CSMD1: variants seen among roughly 807,000 people sequenced by gnomAD.
CSMD1 encodes the protein CUB and Sushi multiple domains 1.
In CSMD1, 213 loss-of-function variants were observed where a neutral mutation model predicts 417.5. That is an observed-to-expected ratio of 0.51 (90% confidence interval 0.46 to 0.57). The LOEUF is 0.57. CSMD1 is among the 20% of genes least tolerant of loss of function. The probability of loss-of-function intolerance (pLI) is 0.00; values close to 1 mark genes in which losing one functional copy is unlikely to be tolerated. For missense variants in CSMD1, 6,923 were observed against 4,529.7 expected, an observed-to-expected ratio of 1.53 and a Z score of -15.17; for synonymous variants, 2,862 against 1,736.8, an observed-to-expected ratio of 1.65 and a Z score of -16.11.
At chr8:3,536,651 G>A (rs1443600350) in intron 10 of CSMD1, among the ~76,000 whole-genome samples, 6 of 152,178 alleles carry the variant, frequency 3.9e-5, no homozygotes, top group African/African-American at 1.4e-4. Context: ...CTACCATCTA[G>A]TGGCAGTGGT....
At chr8:3,424,288 G>T (rs750032684) in intron 12 of CSMD1, among the ~76,000 whole-genome samples, 3 of 152,226 alleles carry the variant, frequency 2.0e-5, no homozygotes, top group Admixed American at 6.5e-5. Context: ...GCCAGGTATT[G>T]CCTAGTTTAG....
chr8:3,812,014 A>G (rs376466768), intron 5 of CSMD1, among the ~76,000 whole-genome samples: 1 of 150,674 alleles, frequency 6.6e-6, no homozygotes, highest in Non-Finnish European at 1.5e-5. Context: ...CCATTTACTA[A>G]TCTTCTTATG....
intron 1 of CSMD1, among the ~76,000 whole-genome samples, chr8:4,732,866 T>G (rs1224250252): frequency 6.6e-6 from 1 of 152,204 alleles, no homozygotes; most frequent in Admixed American, 6.5e-5. Context: ...CTCATTCATT[T>G]AGCAAGCATT....
At chr8:4,621,421 A>G (rs1801771355) in intron 2 of CSMD1, among the ~76,000 whole-genome samples, 2 of 152,150 alleles carry the variant, frequency 1.3e-5, no homozygotes, top group Admixed American at 6.5e-5. Context: ...CTCAACCTGC[A>G]TTAATAACTG....
intron 10 of CSMD1, among the ~76,000 whole-genome samples, chr8:3,505,402 G>C (rs949180489): frequency 5.3e-5 from 8 of 152,274 alleles, no homozygotes; most frequent in African/African-American, 1.2e-4. Context: ...AGTTTCTTGA[G>C]AAATAATTAT....
rs142801254 is a variant in CSMD1, at chr8:4,188,835, T to TAA, written c.416-156738_416-156737dup. The stretch of plus-strand genomic sequence containing the variant: ...GGAGGATGGTAATTGGGAGGGATAT[T>TAA]AAAAAAAAAAACGAAATGTTTCTGC... On this transcript the variant is annotated intron_variant, in intron 3 of 69. Coordinates refer to ENST00000635120, the MANE Select transcript of CSMD1 (RefSeq NM_033225.6). 2.5e-4 allele frequency among the ~76,000 whole-genome samples: 37 copies of TAA among 146,636 alleles called. No individual in the cohort carries two copies. In the South Asian group the frequency reaches 6.4e-3, roughly 25 times the overall value.
intron 2 of CSMD1, among the ~76,000 whole-genome samples, chr8:4,494,343 T>C (rs536373127): frequency 3.7e-4 from 56 of 152,318 alleles, no homozygotes; most frequent in Middle Eastern, 3.4e-3. Flanking sequence ...TAAATTGCAA[T>C]TGCTCAGTGA....
At chr8:3,635,748 G>T (rs1797008222) in intron 7 of CSMD1, among the ~76,000 whole-genome samples, 1 of 141,626 alleles carries the variant, frequency 7.1e-6, no homozygotes, top group Admixed American at 7.3e-5. Context: ...CTCCCGAAGT[G>T]CTGGGATTAC....
rs547947086 is a variant in CSMD1 at position 2,966,581 on chromosome 8, G to A, written c.9089C>T (p.Pro3030Leu). The A allele has an allele frequency of 6.2e-7, 1 of 1,613,548 alleles. No individual in the cohort carries two copies. Among genetic ancestry groups the A allele is most frequent in the Admixed American group, 1.7e-5 (1 of 60,006 alleles). Residue 3030 changes from proline (P) to leucine (L), a missense_variant, in exon 58 of 70, where the codon CCC becomes CTC. Coordinates refer to ENST00000635120, the MANE Select transcript of CSMD1 (RefSeq NM_033225.6). ...GTCTGCTTACTAACTTGTGCAGTCG[G>A]GAGCAGTGCCTGTCCAGGTCCCATT... is the stretch of plus-strand genomic sequence containing the variant. ...TANGTWTGTA[P>L]DCTIISCGDP... is the part of the protein sequence containing the mutation.
chr8:4,069,508 T>G (rs1185055216), intron 3 of CSMD1, among the ~76,000 whole-genome samples: 3 of 152,124 alleles, frequency 2.0e-5, no homozygotes, highest in East Asian at 1.9e-4. Context: ...AGCCTGACAT[T>G]TGCTAATGAT....
chr8:4,948,665 C>G (rs1029698899), intron 1 of CSMD1, among the ~76,000 whole-genome samples: 1 of 151,926 alleles, frequency 6.6e-6, no homozygotes, highest in African/African-American at 2.4e-5. Flanking sequence ...TGCTAGGTTG[C>G]TAAACTCATA....
intron 1 of CSMD1, among the ~76,000 whole-genome samples, chr8:4,845,703 G>A (rs1801101835): frequency 6.6e-6 from 1 of 152,202 alleles, no homozygotes; most frequent in Non-Finnish European, 1.5e-5. Flanking sequence ...GGAGACAATG[G>A]TGTGCTGTTT....
At chr8:4,619,583 G>C (rs17345243) in intron 2 of CSMD1, among the ~76,000 whole-genome samples, 4,450 of 152,190 alleles carry the variant, frequency 0.029, 122 homozygotes, top group Admixed American at 0.079. Flanking sequence ...TTGCTCACCA[G>C]ATACATCCAG....
At chr8:4,018,568 G>C (rs996053617) in intron 4 of CSMD1, among the ~76,000 whole-genome samples, 1 of 152,206 alleles carries the variant, frequency 6.6e-6, no homozygotes, top group Non-Finnish European at 1.5e-5. Flanking sequence ...GAGAAAAGCA[G>C]AGCCTCTCCA....
Position 2,974,449 on chromosome 8 carries a change from A to C in CSMD1, c.8740+2T>G. 1 of 1,586,488 alleles carries C rather than the reference A, an allele frequency of 6.3e-7. No individual in the cohort carries two copies. Among genetic ancestry groups the C allele is most frequent in the Non-Finnish European group, 8.6e-7 (1 of 1,162,950 alleles). ...CTGTCAGTTCACTCGTAAGCCCCTC[A>C]CCTGTGCAGTGGGGCAGTGCCCCGC... On this transcript the variant is annotated splice_donor_variant, in intron 56 of 69. Transcript: ENST00000635120. LOFTEE classifies it high-confidence loss of function.
intron 3 of CSMD1, among the ~76,000 whole-genome samples, chr8:4,099,181 C>G (rs987807944): frequency 1.4e-5 from 2 of 148,048 alleles, no homozygotes; most frequent in Non-Finnish European, 3.0e-5. Context: ...TCTGAACACA[C>G]ACACATACAC....
intron 7 of CSMD1, among the ~76,000 whole-genome samples, chr8:3,699,215 T>C (rs1215169140): frequency 6.6e-6 from 1 of 152,244 alleles, no homozygotes; most frequent in Non-Finnish European, 1.5e-5. Context: ...GAGCACACAA[T>C]GTAGACTGAC....
At chr8:4,164,998 A>G (rs940023913) in intron 3 of CSMD1, among the ~76,000 whole-genome samples, 1 of 152,102 alleles carries the variant, frequency 6.6e-6, no homozygotes, top group Non-Finnish European at 1.5e-5. Context: ...AGAGTTTCCT[A>G]TGTTCTTGTA....
At chr8:3,400,889 G>C (rs6981303) in intron 15 of CSMD1, among the ~76,000 whole-genome samples, 1 of 150,824 alleles carries the variant, frequency 6.6e-6, no homozygotes, top group African/African-American at 2.4e-5. Flanking sequence ...AAATATGAAA[G>C]CAGGGTAATT....
Sources: gnomAD v4.1 joint callset for allele counts (sites outside exome capture counted in the v4.1 genomes callset) on GRCh38, gnomAD v4.1.1 for gene constraint, MANE v1.5 for transcripts, NCBI Gene and HGNC (gene_info 2026-07-23, HGNC 2026-07-21) for gene names.